The following EPB41L3 variants were observed in gnomAD, a reference collection of about 807,000 sequenced individuals.
EPB41L3 encodes erythrocyte membrane protein band 4.1 like 3.
In EPB41L3, 57 loss-of-function variants were observed where a neutral mutation model predicts 127.1. That is an observed-to-expected ratio of 0.45 (90% confidence interval 0.36 to 0.56). The LOEUF is 0.56. EPB41L3 is among the 20% of genes least tolerant of loss of function. The probability of loss-of-function intolerance (pLI) is 0.00; values close to 1 mark genes in which losing one functional copy is unlikely to be tolerated. For synonymous variants in EPB41L3, 572 were observed against 549.5 expected, an observed-to-expected ratio of 1.04 and a Z score of -0.57; for missense variants, 1,273 against 1,372.2, an observed-to-expected ratio of 0.93 and a Z score of 1.14.
At position 5,419,768 on chromosome 18, in the gene EPB41L3, G is replaced by C. The variant is rs1045892067; in HGVS notation, c.1449C>G (p.Asp483Glu). The C allele has an allele frequency of 1.2e-6, 2 of 1,614,128 alleles. No individual in the cohort carries two copies. Reference protein sequence around the residue: ...KAEEERDEEEDKRRKGEEVTP... With the variant: ...KAEEERDEEEEKRRKGEEVTP... ...TGACTTCTTCCCCCTTCCTCCGTTT[G>C]TCCTCTTCCTCGTCCCGCTCCTCCT... Residue 483 changes from aspartate to glutamate, a missense_variant, in exon 12 of 23, where the codon GAC (aspartate) becomes GAG (glutamate). Physicochemically the swap from Asp to Glu is conservative, Grantham distance 45 (BLOSUM62 2). Transcript: ENST00000341928.
rs1388091256 is a variant in EPB41L3, at chr18:5,392,727, C to G, written c.*758G>C. 1 of 152,454 alleles carries G rather than the reference C, an allele frequency of 6.6e-6. No individual in the cohort carries two copies. Among genetic ancestry groups the G allele is most frequent in the Admixed American group, 6.5e-5 (1 of 15,278 alleles). The allele number at this position is 152,454 out of a possible 1,614,324, so 9.4% of individuals were successfully genotyped here. ...GAAATTTCATAATATTGTAAACTAACAAAAATACAGGTTTTCTTCCCAAAA... is the reference window on the plus strand; with the variant it reads ...GAAATTTCATAATATTGTAAACTAAGAAAAATACAGGTTTTCTTCCCAAAA... On this transcript the variant is annotated 3_prime_UTR_variant, in exon 23 of 23. Transcript: ENST00000341928.
At chr18:5,572,634 T>C (rs562081406) in intron 3 of EPB41L3, among the ~76,000 whole-genome samples, 105 of 152,198 alleles carry the variant, frequency 6.9e-4, no homozygotes, top group African/African-American at 2.5e-3. Flanking sequence ...AGTGCAATGG[T>C]GTCATCGTGG....
chr18:5,468,239 G>A (rs557498834), intron 3 of EPB41L3, among the ~76,000 whole-genome samples: 23 of 152,258 alleles, frequency 1.5e-4, no homozygotes, highest in African/African-American at 4.8e-4. Flanking sequence ...AAATAGCCTG[G>A]GCACCCTGGA....
chr18:5,480,908 AGAAG>A (rs924019792), intron 2 of EPB41L3: 3 of 152,248 alleles, frequency 2.0e-5, no homozygotes, highest in African/African-American at 7.2e-5. Context: ...TAAAGAGGAA[AGAAG>A]GAAGAAAAAG....
rs1252719406 is a variant in EPB41L3 at position 5,484,440 on chromosome 18, A to G, written c.183+4561T>C. On this transcript the variant is annotated intron_variant, in intron 2 of 22. Coordinates refer to ENST00000341928, the MANE Select transcript of EPB41L3 (RefSeq NM_012307.5). ...TCAACGATGCACCTCAAGGGACTAG[A>G]AAAGCAGGAATGAACCAAACCCCAA... Among the ~76,000 whole-genome samples the G allele has an allele frequency of 2.0e-5, 3 of 151,910 alleles. No homozygotes were observed. The East Asian group carries it at 5.8e-4, about 29-fold the overall frequency.
At chr18:5,511,004 G>A (rs1235748330) in intron 1 of EPB41L3, among the ~76,000 whole-genome samples, 2 of 152,016 alleles carry the variant, frequency 1.3e-5, no homozygotes, top group Non-Finnish European at 2.9e-5. Context: ...CCTGTGTACT[G>A]TCCCTTTATT....
At chr18:5,556,717 A>G (rs2094040805) in intron 3 of EPB41L3, among the ~76,000 whole-genome samples, 1 of 152,180 alleles carries the variant, frequency 6.6e-6, no homozygotes, top group Admixed American at 6.5e-5. Flanking sequence ...AGCAGGAAAC[A>G]TGGAGTCCAC....
At chr18:5,555,661 C>T (rs1464226278) in intron 3 of EPB41L3, among the ~76,000 whole-genome samples, 1 of 152,106 alleles carries the variant, frequency 6.6e-6, no homozygotes, top group Non-Finnish European at 1.5e-5. Flanking sequence ...GGGCTCTGTC[C>T]ACATCTCCCC....
At chr18:5,507,693 T>C (rs2092296193) in intron 1 of EPB41L3, among the ~76,000 whole-genome samples, 3 of 152,170 alleles carry the variant, frequency 2.0e-5, no homozygotes, top group Admixed American at 2.0e-4. Flanking sequence ...GTAGAGCTAT[T>C]CCTTTTGATA....
intron 1 of EPB41L3, among the ~76,000 whole-genome samples, chr18:5,529,194 G>T (rs1257770613): frequency 1.3e-5 from 2 of 152,160 alleles, no homozygotes; most frequent in African/African-American, 4.8e-5. Flanking sequence ...AAGCTGAGCT[G>T]CCTGTCACAA....
intron 1 of EPB41L3, among the ~76,000 whole-genome samples, chr18:5,502,935 C>T (rs566833736): frequency 2.1e-4 from 32 of 152,280 alleles, no homozygotes; most frequent in African/African-American, 6.0e-4. Context: ...CTAACCCTGG[C>T]GAGGCTGCAG....
At chr18:5,581,726 G>T (rs2094395426) in intron 3 of EPB41L3, among the ~76,000 whole-genome samples, 1 of 152,166 alleles carries the variant, frequency 6.6e-6, no homozygotes, top group Non-Finnish European at 1.5e-5. Flanking sequence ...GCCAGGCATG[G>T]TGGCTCACAC....
At chr18:5,545,555 G>C (rs946297493), upstream of EPB41L3, among the ~76,000 whole-genome samples, 3 of 152,196 alleles carry the variant, frequency 2.0e-5, no homozygotes, top group Non-Finnish European at 4.4e-5. Context: ...GAGTTTATGG[G>C]ACTATATTCT....
chr18:5,464,319 A>ATT, intron 3 of EPB41L3, among the ~76,000 whole-genome samples: 1 of 152,322 alleles, frequency 6.6e-6, no homozygotes, highest in African/African-American at 2.4e-5. Context: ...CTGCTTACCC[A>ATT]TTATGCACAA....
chr18:5,486,557 T>C (rs991373678), intron 2 of EPB41L3, among the ~76,000 whole-genome samples: 41 of 151,952 alleles, frequency 2.7e-4, no homozygotes, highest in Admixed American at 2.6e-3. Context: ...TACAGGATAG[T>C]AGAAAAAATT....
chr18:5,597,049 C>T (rs77330673), intron 3 of EPB41L3, among the ~76,000 whole-genome samples: 2,314 of 152,074 alleles, frequency 0.015, 52 homozygotes, highest in African/African-American at 0.052. Flanking sequence ...TTTGCGACAC[C>T]CCCATCTCTG....
intron 16 of EPB41L3, 118 bp downstream of exon 16, chr18:5,406,659 A>C: frequency 2.2e-6 from 2 of 926,976 alleles, no homozygotes; most frequent in Non-Finnish European, 3.2e-6. Flanking sequence ...GCTCAGGTTA[A>C]ACATAGGTAG....
chr18:5,444,614 A>G (rs2081231764), intron 4 of EPB41L3, among the ~76,000 whole-genome samples: 1 of 152,236 alleles, frequency 6.6e-6, no homozygotes, highest in Admixed American at 6.5e-5. Flanking sequence ...AACATATTAG[A>G]CAAGTGTCAG....
At chr18:5,567,736 GA>G (rs567650792) in intron 3 of EPB41L3, among the ~76,000 whole-genome samples, 8 of 151,920 alleles carry the variant, frequency 5.3e-5, no homozygotes, top group Admixed American at 3.3e-4. Flanking sequence ...AGCTAGTGGG[GA>G]AAAAAATGCT....
Sources: gnomAD v4.1 joint callset for allele counts (sites outside exome capture counted in the v4.1 genomes callset) on GRCh38, gnomAD v4.1.1 for gene constraint, MANE v1.5 for transcripts, NCBI Gene and HGNC (gene_info 2026-07-23, HGNC 2026-07-21) for gene names.